Variants in CTIF observed in about 807,000 individuals in gnomAD.
CTIF encodes the protein CBP80/20-dependent translation initiation factor.
CTIF carries 21 observed loss-of-function variants against 66.0 expected under a neutral mutation model. That is an observed-to-expected ratio of 0.32 (90% CI 0.23 to 0.46). The LOEUF is 0.46. Among genes scored for constraint, CTIF ranks in the 20% least tolerant of loss-of-function variants. The pLI, the probability that CTIF is intolerant of heterozygous loss-of-function variation, is 1.00. For synonymous variants in CTIF, 345 were observed against 326.4 expected (o/e 1.06, Z -0.62); for missense variants, 739 against 812.7 (o/e 0.91, Z 1.10).
intron 10 of CTIF, among the ~76,000 whole-genome samples, chr18:48,847,139 C>T (rs1417257934): frequency 6.6e-6 from 1 of 151,904 alleles, no homozygotes; most frequent in Non-Finnish European, 1.5e-5. Context: ...GAAACCCCAT[C>T]TCTACTAAAA....
At chr18:48,539,976 G>A (rs897128249) in intron 1 of CTIF, 3 of 152,030 alleles carry the variant, frequency 2.0e-5, no homozygotes, top group Non-Finnish European at 2.9e-5. Context: ...GTGTGTGAGT[G>A]TGCGCGCCCG....
chr18:48,844,169 C>T (rs772940646), intron 10 of CTIF, among the ~76,000 whole-genome samples: 1 of 152,172 alleles, frequency 6.6e-6, no homozygotes, highest in Admixed American at 6.5e-5. Context: ...GGGCAGTGAG[C>T]ACAGAAGAAG....
intron 6 of CTIF, among the ~76,000 whole-genome samples, chr18:48,690,759 C>T (rs1473187955): frequency 6.6e-6 from 1 of 152,050 alleles, no homozygotes; most frequent in Non-Finnish European, 1.5e-5. Context: ...TTCCAAGCTG[C>T]ATGGACTTGA....
At chr18:48,620,595 T>C (rs1393829316) in intron 2 of CTIF, among the ~76,000 whole-genome samples, 2 of 152,158 alleles carry the variant, frequency 1.3e-5, no homozygotes, top group African/African-American at 4.8e-5. Context: ...TCGGGAATGT[T>C]GGAAGGTCAA....
intron 7 of CTIF, among the ~76,000 whole-genome samples, chr18:48,717,449 TAAG>T (rs1323892326): frequency 7.0e-6 from 1 of 142,374 alleles, no homozygotes; most frequent in African/African-American, 2.6e-5. Context: ...AAATAAATAA[TAAG>T]AATTTTGTCC....
intron 1 of CTIF, among the ~76,000 whole-genome samples, chr18:48,570,724 G>A (rs779094935): frequency 2.0e-5 from 3 of 152,186 alleles, no homozygotes; most frequent in Non-Finnish European, 4.4e-5. Flanking sequence ...TAAGGCAGAC[G>A]GAACTTTATA....
intron 2 of CTIF, among the ~76,000 whole-genome samples, chr18:48,626,345 T>A (rs1568084020): frequency 6.6e-6 from 1 of 151,244 alleles, no homozygotes; most frequent in Non-Finnish European, 1.5e-5. Context: ...AATCTTTTTA[T>A]TTTCTTTTTT....
intron 9 of CTIF, among the ~76,000 whole-genome samples, chr18:48,787,361 A>G (rs1911805379): frequency 6.6e-6 from 1 of 152,158 alleles, no homozygotes; most frequent in Non-Finnish European, 1.5e-5. Context: ...GGAGAAAGGA[A>G]GGAAGGAGGG....
intron 9 of CTIF, among the ~76,000 whole-genome samples, chr18:48,796,911 G>A (rs190152995): frequency 6.6e-6 from 1 of 152,120 alleles, no homozygotes; most frequent in Non-Finnish European, 1.5e-5. Context: ...GTTTCCTTAA[G>A]ACCATCCTTT....
At chr18:48,637,092 G>T (rs1288780265) in intron 3 of CTIF, among the ~76,000 whole-genome samples, 1 of 152,218 alleles carries the variant, frequency 6.6e-6, no homozygotes, top group Admixed American at 6.5e-5. Context: ...TTTGATGCTG[G>T]TGGGTGCTTT....
At chr18:48,668,766 G>T (rs896706837) in intron 5 of CTIF, among the ~76,000 whole-genome samples, 1 of 151,944 alleles carries the variant, frequency 6.6e-6, no homozygotes, top group Non-Finnish European at 1.5e-5. Context: ...CCTGCCCCTC[G>T]CCCAAGACAG....
At chr18:48,757,079 C>T (rs1908438654) in intron 7 of CTIF, among the ~76,000 whole-genome samples, 2 of 152,114 alleles carry the variant, frequency 1.3e-5, no homozygotes, top group Non-Finnish European at 2.9e-5. Context: ...CACCTTCTTG[C>T]TGTGTCTCCA....
intron 2 of CTIF, among the ~76,000 whole-genome samples, chr18:48,630,594 G>GTGCAGTTTTATCAGTTGA (rs1440495006): frequency 6.6e-6 from 1 of 151,230 alleles, no homozygotes; most frequent in African/African-American, 2.4e-5. Context: ...TTGCTTGTGG[G>GTGCAGTTTTATCAGTTGA]TGCAGTTTTA....
intron 1 of CTIF, among the ~76,000 whole-genome samples, chr18:48,577,290 G>A (rs2089554004): frequency 6.6e-6 from 1 of 152,172 alleles, no homozygotes; most frequent in South Asian, 2.1e-4. Context: ...AGTCTTGTTG[G>A]CCCTATTCTT....
chr18:48,758,109 C>T lies in CTIF; in HGVS notation c.775C>T (p.Pro259Ser). 1 of 1,614,142 alleles carries T rather than the reference C, an allele frequency of 6.2e-7. No homozygotes were observed. Residue 259 changes from proline (P) to serine (S), a missense_variant, in exon 8 of 12, where the codon CCA (proline) becomes TCA (serine). Coordinates refer to ENST00000256413, the MANE Select transcript of CTIF (RefSeq NM_014772.3). ...RWHHGNMKHP[P>S]GDKGEAGAHR... ...GCACCATGGCAACATGAAGCACCCA[C>T]CAGGCGACAAGGGGGAGGCAGGCGC...
At chr18:48,692,343 A>C (rs1057486238) in intron 6 of CTIF, among the ~76,000 whole-genome samples, 1 of 151,122 alleles carries the variant, frequency 6.6e-6, no homozygotes, top group African/African-American at 2.5e-5. Flanking sequence ...AAAACAAAAA[A>C]AAAAAACCAC....
chr18:48,725,410 G>A (rs1413714392), intron 7 of CTIF, among the ~76,000 whole-genome samples: 1 of 152,068 alleles, frequency 6.6e-6, no homozygotes, highest in Non-Finnish European at 1.5e-5. Context: ...CTGTCCCAAC[G>A]CCCCTCCTAG....
intron 1 of CTIF, among the ~76,000 whole-genome samples, chr18:48,585,362 C>A (rs1568050600): frequency 6.6e-6 from 1 of 152,228 alleles, no homozygotes; most frequent in South Asian, 2.1e-4. Context: ...CTTCTCTTAA[C>A]CCTACCTCTG....
At chr18:48,816,321 G>A (rs1419537410) in intron 9 of CTIF, among the ~76,000 whole-genome samples, 4 of 152,152 alleles carry the variant, frequency 2.6e-5, no homozygotes, top group Non-Finnish European at 2.9e-5. Flanking sequence ...CAAGAGGTAG[G>A]GGAAATATCT....
Sources: allele counts gnomAD v4.1 joint callset (sites outside exome capture counted in the v4.1 genomes callset), GRCh38; gene constraint gnomAD v4.1.1; transcripts MANE v1.5; gene names NCBI Gene and HGNC (gene_info 2026-07-23, HGNC 2026-07-21).